The following CCDC178 variants were observed in gnomAD, a reference collection of about 807,000 sequenced individuals.
CCDC178 encodes coiled-coil domain-containing protein 178.
A neutral mutation model predicts 117.4 loss-of-function variants in CCDC178; 126 were observed. The observed-to-expected ratio is 1.07, with a 90% CI of 0.93 to 1.24. The LOEUF (loss-of-function observed/expected upper bound fraction) is 1.24, where lower values mean the gene tolerates loss of function less well. CCDC178 is among the 50% of genes most tolerant of loss of function. CCDC178 has a pLI of 0.00. For synonymous variants in CCDC178, 283 were observed against 313.4 expected (o/e 0.90, Z 1.02); for missense variants, 1,030 against 986.9 (o/e 1.04, Z -0.59).
chr18:33,295,922 C>T (rs1163887703), intron 11 of CCDC178, among the ~76,000 whole-genome samples: 7 of 152,138 alleles, frequency 4.6e-5, no homozygotes, highest in Non-Finnish European at 8.8e-5. Context: ...CAAAAAATCA[C>T]ACTTTTTGAT....
intron 18 of CCDC178, among the ~76,000 whole-genome samples, chr18:33,221,358 T>G (rs1340516595): frequency 6.6e-6 from 1 of 152,086 alleles, no homozygotes; most frequent in Non-Finnish European, 1.5e-5. Context: ...TTTGCCCAAC[T>G]GCTATATTAA....
At chr18:33,270,725 G>A (rs1214710648) in intron 12 of CCDC178, among the ~76,000 whole-genome samples, 2 of 151,366 alleles carry the variant, frequency 1.3e-5, no homozygotes, top group Non-Finnish European at 3.0e-5. Flanking sequence ...ATACTCAAGG[G>A]AATTGATTCC....
At chr18:33,115,670 G>A (rs561236040) in intron 20 of CCDC178, among the ~76,000 whole-genome samples, 2 of 151,886 alleles carry the variant, frequency 1.3e-5, no homozygotes, top group East Asian at 2.0e-4. Context: ...CTCCCCCGCC[G>A]CCGCCCTGCT....
intron 19 of CCDC178, 27 bp from the exon 20 acceptor site, chr18:33,212,082 C>G: frequency 6.7e-7 from 1 of 1,494,622 alleles, no homozygotes; most frequent in Non-Finnish European, 9.0e-7. Flanking sequence ...CCATGTGCCA[C>G]TAATCAATTC....
chr18:33,318,709 C>G (rs1282769118), intron 11 of CCDC178, among the ~76,000 whole-genome samples: 1 of 151,934 alleles, frequency 6.6e-6, no homozygotes, highest in Non-Finnish European at 1.5e-5. Flanking sequence ...AAAATTAACA[C>G]CTAGAATATC....
intron 20 of CCDC178, among the ~76,000 whole-genome samples, chr18:33,103,387 G>A (rs1567990255): frequency 6.6e-6 from 1 of 151,502 alleles, no homozygotes; most frequent in Non-Finnish European, 1.5e-5. Context: ...GAGATTTGGT[G>A]GGGACACAGA....
intron 3 of CCDC178, among the ~76,000 whole-genome samples, chr18:33,398,843 T>C (rs577954154): frequency 2.0e-5 from 3 of 152,338 alleles, no homozygotes; most frequent in South Asian, 4.1e-4. Flanking sequence ...ATTAAGTGTG[T>C]GATAATATTA....
intron 16 of CCDC178, among the ~76,000 whole-genome samples, chr18:33,225,164 C>CT (rs1216450233): frequency 2.7e-5 from 4 of 150,428 alleles, no homozygotes; most frequent in South Asian, 2.1e-4. Flanking sequence ...TATATATATG[C>CT]TTTTTTTAAA....
At chr18:33,083,045 CA>C (rs1168083023) in intron 21 of CCDC178, among the ~76,000 whole-genome samples, 2 of 152,098 alleles carry the variant, frequency 1.3e-5, no homozygotes, top group African/African-American at 4.8e-5. Context: ...TTAATAACAA[CA>C]ATAAATGTAA....
At chr18:33,380,128 A>G (rs1459264847) in intron 5 of CCDC178, among the ~76,000 whole-genome samples, 2 of 152,266 alleles carry the variant, frequency 1.3e-5, no homozygotes, top group Non-Finnish European at 2.9e-5. Flanking sequence ...TGGGGCACCC[A>G]GCACAGATAG....
At chr18:33,054,495 C>T (rs554472894) in intron 21 of CCDC178, among the ~76,000 whole-genome samples, 61 of 152,296 alleles carry the variant, frequency 4.0e-4, no homozygotes, top group Middle Eastern at 3.4e-3. Context: ...TCATTCAGCT[C>T]CCACTTACAA....
intron 21 of CCDC178, among the ~76,000 whole-genome samples, chr18:33,086,092 T>C (rs1338502763): frequency 6.6e-6 from 1 of 151,908 alleles, no homozygotes; most frequent in Non-Finnish European, 1.5e-5. Context: ...AAAAGGTGTA[T>C]ACAAAAATAT....
intron 11 of CCDC178, among the ~76,000 whole-genome samples, chr18:33,299,838 C>G (rs1003970158): frequency 9.3e-5 from 14 of 150,952 alleles, no homozygotes; most frequent in African/African-American, 3.4e-4. Flanking sequence ...ACAGATATTT[C>G]TCAAAAATGC....
At chr18:33,179,078 A>AAAAAAAAAAT (rs71159804) in intron 20 of CCDC178, among the ~76,000 whole-genome samples, 6 of 55,824 alleles carry the variant, frequency 1.1e-4, no homozygotes, top group African/African-American at 6.8e-4. Flanking sequence ...AAAAAAAAAA[A>AAAAAAAAAAT]ATATATATAT....
intron 21 of CCDC178, among the ~76,000 whole-genome samples, chr18:33,049,266 A>AG (rs2056700547): frequency 4.6e-5 from 7 of 152,280 alleles, no homozygotes; most frequent in Admixed American, 3.3e-4. Context: ...GAGAAACTAT[A>AG]ATAACTTATA....
intron 22 of CCDC178, among the ~76,000 whole-genome samples, chr18:32,959,269 T>C (rs1216633170): frequency 3.9e-5 from 6 of 152,130 alleles, no homozygotes; most frequent in African/African-American, 1.4e-4. Flanking sequence ...CTATTGATAA[T>C]ATGTGCAGTT....
At chr18:33,352,112 C>T (rs2062986825) in intron 7 of CCDC178, among the ~76,000 whole-genome samples, 1 of 151,980 alleles carries the variant, frequency 6.6e-6, no homozygotes, top group Non-Finnish European at 1.5e-5. Context: ...TGTCATAGTT[C>T]TGTTCAGGTT....
chr18:33,054,476 G>A lies in CCDC178; in HGVS notation c.2388+38285C>T, dbSNP rs530131141. Among the ~76,000 whole-genome samples, 4 of 152,196 alleles carry A rather than the reference G, an allele frequency of 2.6e-5. No individual in the cohort carries two copies. In the South Asian group the frequency reaches 6.2e-4, roughly 24 times the overall value. ...GTGTTGTTCCCCTACATGTGTCCACGTATTCTCATCATTCAGCTCCCACTT... is the reference window on the plus strand; with the variant it reads ...GTGTTGTTCCCCTACATGTGTCCACATATTCTCATCATTCAGCTCCCACTT... On this transcript the variant is annotated intron_variant, in intron 21 of 22. Coordinates refer to ENST00000383096, the MANE Select transcript of CCDC178 (RefSeq NM_001105528.4).
At chr18:33,006,321 T>C (rs987367372) in intron 21 of CCDC178, among the ~76,000 whole-genome samples, 29 of 152,096 alleles carry the variant, frequency 1.9e-4, no homozygotes, top group Non-Finnish European at 1.5e-4. Flanking sequence ...TGGAGAGGAA[T>C]GTACAAATAA....
Sources: gnomAD v4.1 joint callset for allele counts (sites outside exome capture counted in the v4.1 genomes callset) on GRCh38, gnomAD v4.1.1 for gene constraint, MANE v1.5 for transcripts, NCBI Gene and HGNC (gene_info 2026-07-23, HGNC 2026-07-21) for gene names.